The following NEGR1 variants were observed in gnomAD, a reference collection of about 807,000 sequenced individuals.
NEGR1 encodes the protein neuronal growth regulator 1, also known as IgLON family member 4.
In NEGR1, 10 loss-of-function variants were observed where a neutral mutation model predicts 40.9. That is an observed-to-expected ratio of 0.24 (90% CI 0.15 to 0.42). NEGR1 has a LOEUF of 0.42. Among genes scored for constraint, NEGR1 ranks in the 10% least tolerant of loss-of-function variants. The pLI is 1.00. For missense variants in NEGR1, 352 were observed against 438.9 expected (o/e 0.80, Z 1.77); for synonymous variants, 185 against 166.8 (o/e 1.11, Z -0.84).
intron 6 of NEGR1, among the ~76,000 whole-genome samples, chr1:71,473,432 T>C (rs917400596): frequency 6.6e-6 from 1 of 152,052 alleles, no homozygotes; most frequent in Non-Finnish European, 1.5e-5. Context: ...AGTGAACCTG[T>C]CAACCCAGAA....
intron 1 of NEGR1, among the ~76,000 whole-genome samples, chr1:72,136,272 A>C (rs2100325240): frequency 6.6e-6 from 1 of 152,292 alleles, no homozygotes; most frequent in Admixed American, 6.5e-5. Flanking sequence ...GAAAAGATAT[A>C]GAGGATATAC....
chr1:71,450,015 G>A (rs1168967703), intron 6 of NEGR1, among the ~76,000 whole-genome samples: 10 of 147,910 alleles, frequency 6.8e-5, no homozygotes, highest in African/African-American at 1.0e-4. Context: ...TTTTGAGACG[G>A]AGTCTTGCTC....
chr1:72,078,946 T>C (rs1394107027), intron 1 of NEGR1, among the ~76,000 whole-genome samples: 1 of 151,450 alleles, frequency 6.6e-6, no homozygotes, highest in African/African-American at 2.4e-5. Flanking sequence ...AGCCTATTTA[T>C]TGATATTTTA....
At chr1:71,557,870 G>C (rs1286157067) in intron 6 of NEGR1, among the ~76,000 whole-genome samples, 2 of 151,500 alleles carry the variant, frequency 1.3e-5, no homozygotes, top group African/African-American at 2.4e-5. Flanking sequence ...ATTGCATTTA[G>C]TTTTCATGTC....
chr1:71,534,814 G>T (rs1421878397), intron 6 of NEGR1, among the ~76,000 whole-genome samples: 1 of 151,354 alleles, frequency 6.6e-6, no homozygotes, highest in African/African-American at 2.4e-5. Flanking sequence ...GGCCTCATGG[G>T]GCTTATTGAC....
chr1:71,850,646 T>C (rs1659572501), intron 2 of NEGR1, among the ~76,000 whole-genome samples: 1 of 152,182 alleles, frequency 6.6e-6, no homozygotes, highest in Non-Finnish European at 1.5e-5. Flanking sequence ...TCTACATACT[T>C]TTGCTTTTTA....
chr1:71,763,746 AGTGTGT>A (rs55890627), intron 3 of NEGR1, among the ~76,000 whole-genome samples: 100,111 of 149,954 alleles, frequency 0.67, 37,797 homozygotes, highest in Middle Eastern at 0.84. Flanking sequence ...CATATTTAGG[AGTGTGT>A]GTGTGTGTGT....
At chr1:71,438,836 G>T (rs1480782529) in intron 6 of NEGR1, among the ~76,000 whole-genome samples, 1 of 152,152 alleles carries the variant, frequency 6.6e-6, no homozygotes, top group East Asian at 1.9e-4. Flanking sequence ...GATCTAGAAG[G>T]CTGGCAAGTC....
At chr1:71,783,926 A>G (rs1656814128) in intron 2 of NEGR1, among the ~76,000 whole-genome samples, 1 of 152,112 alleles carries the variant, frequency 6.6e-6, no homozygotes, top group African/African-American at 2.4e-5. Context: ...TAAGGAGTCC[A>G]TGTCTAAAGA....
chr1:71,750,669 C>T (rs1432332583), intron 3 of NEGR1, among the ~76,000 whole-genome samples: 1 of 152,124 alleles, frequency 6.6e-6, no homozygotes, highest in African/African-American at 2.4e-5. Flanking sequence ...GATTCAATTA[C>T]CTCCCACTGG....
chr1:72,011,425 C>A (rs1325840362), intron 1 of NEGR1, among the ~76,000 whole-genome samples: 1 of 152,046 alleles, frequency 6.6e-6, no homozygotes, highest in African/African-American at 2.4e-5. Context: ...ATGTACAGAT[C>A]AAACACTCTT....
chr1:71,583,969 T>G (rs552727159), intron 6 of NEGR1, among the ~76,000 whole-genome samples: 2 of 152,312 alleles, frequency 1.3e-5, no homozygotes, highest in South Asian at 4.1e-4. Flanking sequence ...TTCATTTCTT[T>G]AAAACTGTTG....
At position 72,118,882 on chromosome 1, in the gene NEGR1, T is replaced by C. The variant is rs570561205; in HGVS notation, c.176+163437A>G. ...CAACCAAATTTTAAATAAATGTAGATGTTAACAAGAAATATTTTATTTCTT... is the reference window on the plus strand; with the variant it reads ...CAACCAAATTTTAAATAAATGTAGACGTTAACAAGAAATATTTTATTTCTT... On this transcript the variant is annotated intron_variant, in intron 1 of 6. Coordinates refer to ENST00000357731, the MANE Select transcript of NEGR1 (RefSeq NM_173808.3). Among the ~76,000 whole-genome samples the C allele has an allele frequency of 6.6e-5, 10 of 151,758 alleles. No individual in the cohort carries two copies. In the South Asian group the frequency reaches 1.7e-3, roughly 25 times the overall value.
At chr1:71,894,713 A>G (rs1163449920) in intron 2 of NEGR1, among the ~76,000 whole-genome samples, 2 of 152,156 alleles carry the variant, frequency 1.3e-5, no homozygotes, top group African/African-American at 4.8e-5. Flanking sequence ...CTTTAACAAA[A>G]CTTGAAGTCT....
At chr1:71,833,891 T>A (rs1405426813) in intron 2 of NEGR1, among the ~76,000 whole-genome samples, 1 of 152,138 alleles carries the variant, frequency 6.6e-6, no homozygotes, top group African/African-American at 2.4e-5. Context: ...AGTCTGCATC[T>A]TTATGAATAA....
At chr1:72,060,880 TA>T (rs998736485) in intron 1 of NEGR1, among the ~76,000 whole-genome samples, 14 of 151,588 alleles carry the variant, frequency 9.2e-5, no homozygotes, top group Non-Finnish European at 1.9e-4. Context: ...GTAGTTTTTT[TA>T]GAGGTAGATT....
chr1:71,450,034 A>G (rs534906844), intron 6 of NEGR1, among the ~76,000 whole-genome samples: 1 of 148,390 alleles, frequency 6.7e-6, no homozygotes, highest in Admixed American at 6.8e-5. Context: ...TCTGTTGCCC[A>G]GGCTAGAGTG....
At position 71,589,311 on chromosome 1, in the gene NEGR1, C is replaced by T. The variant is rs531933042; in HGVS notation, c.940+3506G>A. The stretch of plus-strand genomic sequence containing the variant: ...TTGCTTGCTTCTGCAGGATGCTTCT[C>T]TTCCTAGGCTCACTCGATGCTAATT... On this transcript the variant is annotated intron_variant, in intron 6 of 6. Transcript: ENST00000357731. Among the ~76,000 whole-genome samples, 212 of 152,258 alleles carry T rather than the reference C, an allele frequency of 1.4e-3. 1 individual carries two copies. The highest frequency in any genetic ancestry group is 4.7e-3 in the African/African-American group (195 of 41,562).
intron 1 of NEGR1, among the ~76,000 whole-genome samples, chr1:72,132,238 T>G (rs2100315707): frequency 6.6e-6 from 1 of 152,326 alleles, no homozygotes; most frequent in Non-Finnish European, 1.5e-5. Context: ...AAGTTAGAAA[T>G]TCAAATTTAT....
Sources: gnomAD v4.1 joint callset for allele counts (sites outside exome capture counted in the v4.1 genomes callset) on GRCh38, gnomAD v4.1.1 for gene constraint, MANE v1.5 for transcripts, NCBI Gene and HGNC (gene_info 2026-07-23, HGNC 2026-07-21) for gene names.